Variants in AGBL1 observed in about 807,000 individuals in gnomAD.
AGBL1 encodes the protein AGBL carboxypeptidase 1.
Under a neutral mutation model 118.9 loss-of-function variants are expected in AGBL1, and 130 were observed. The observed-to-expected ratio is 1.09, with a 90% confidence interval of 0.95 to 1.26. The LOEUF (loss-of-function observed/expected upper bound fraction) is 1.26, where lower values mean the gene tolerates loss of function less well. AGBL1 is among the 50% of genes most tolerant of loss of function. The pLI is 0.00. For synonymous variants in AGBL1, 555 were observed against 478.9 expected, an observed-to-expected ratio of 1.16 and a Z score of -2.08; for missense variants, 1,584 against 1,298.1, an observed-to-expected ratio of 1.22 and a Z score of -3.38.
chr15:86,159,155 A>T (rs2077232769), intron 5 of AGBL1, 129 bp downstream of exon 5: 1 of 825,366 alleles, frequency 1.2e-6, no homozygotes, highest in South Asian at 1.5e-5. Context: ...ATATGGTACC[A>T]TGTCTTTATC....
chr15:86,382,927 C>T (rs563082230), intron 17 of AGBL1, among the ~76,000 whole-genome samples: 8 of 152,206 alleles, frequency 5.3e-5, no homozygotes, highest in South Asian at 2.1e-4. Context: ...TGCTAAGCTT[C>T]GTGAGAGTAA....
intron 22 of AGBL1, among the ~76,000 whole-genome samples, chr15:86,675,458 A>T (rs1307169202): frequency 1.3e-5 from 2 of 152,160 alleles, no homozygotes; most frequent in African/African-American, 2.4e-5. Flanking sequence ...GATTACCTAA[A>T]TGCAGTAATT....
chr15:86,791,896 C>T (rs1211618888), intron 22 of AGBL1, among the ~76,000 whole-genome samples: 2 of 151,954 alleles, frequency 1.3e-5, no homozygotes, highest in Non-Finnish European at 2.9e-5. Context: ...GCCACCACAC[C>T]TGGCTAATTT....
At chr15:86,463,281 GTTGT>G (rs1366259334) in intron 18 of AGBL1, among the ~76,000 whole-genome samples, 6 of 150,346 alleles carry the variant, frequency 4.0e-5, no homozygotes, top group East Asian at 1.9e-4. Flanking sequence ...ATTTGATGGG[GTTGT>G]TTGTTTTTTT....
intron 22 of AGBL1, among the ~76,000 whole-genome samples, chr15:86,849,517 C>CTTTTTTTTTTTTTTTTTTTTTT (rs68185029): frequency 7.3e-6 from 1 of 136,794 alleles, no homozygotes; most frequent in Non-Finnish European, 1.6e-5. Context: ...TTCTTTCTTT[C>CTTTTTTTTTTTTTTTTTTTTTT]TTTTTTTTTT....
In AGBL1 at chr15:86,560,943, G is replaced by C. The variant is rs1444619274; in HGVS notation, c.2994+6406G>C. On this transcript the variant is annotated intron_variant, in intron 21 of 22. Coordinates refer to ENST00000614907, the MANE Select transcript of AGBL1 (RefSeq NM_001386094.1). ...GTTGGCGGCATAAATGTCTTCTTTT[G>C]AGAAGTGTCTGTTCATATCATTTGC... is the stretch of plus-strand genomic sequence containing the variant. Among the ~76,000 whole-genome samples the C allele has an allele frequency of 1.6e-4, 24 of 152,188 alleles. 1 individual carries two copies. The highest frequency in any genetic ancestry group is 5.8e-4 in the African/African-American group (24 of 41,452).
intron 5 of AGBL1, among the ~76,000 whole-genome samples, chr15:86,170,305 C>T (rs1480828532): frequency 2.0e-5 from 3 of 151,890 alleles, no homozygotes; most frequent in African/African-American, 7.3e-5. Flanking sequence ...AGAACATTTC[C>T]AAAATGAAAC....
intron 10 of AGBL1, 107 bp from the exon 11 acceptor site, chr15:86,264,151 C>T (rs1435871914): frequency 1.0e-6 from 1 of 957,358 alleles, no homozygotes; most frequent in Non-Finnish European, 1.5e-6. Context: ...TCCACATTCA[C>T]AGGATTTATG....
At chr15:86,863,443 G>C (rs542902064) in intron 22 of AGBL1, among the ~76,000 whole-genome samples, 1 of 152,096 alleles carries the variant, frequency 6.6e-6, no homozygotes, top group African/African-American at 2.4e-5. Context: ...AGGCCTAATG[G>C]ATGTCTCATC....
intron 5 of AGBL1, among the ~76,000 whole-genome samples, chr15:86,214,478 A>G (rs2078152644): frequency 6.6e-6 from 1 of 152,246 alleles, no homozygotes; most frequent in Non-Finnish European, 1.5e-5. Context: ...TTATAGTTGT[A>G]CATCCATGTA....
intron 21 of AGBL1, among the ~76,000 whole-genome samples, chr15:86,629,891 C>CTT (rs1231291802): frequency 6.6e-6 from 1 of 152,200 alleles, no homozygotes; most frequent in Non-Finnish European, 1.5e-5. Context: ...TTGTATGGGG[C>CTT]TTCTGGTCAT....
At chr15:86,560,256 C>A (rs2083796337) in intron 21 of AGBL1, among the ~76,000 whole-genome samples, 3 of 151,872 alleles carry the variant, frequency 2.0e-5, no homozygotes, top group Non-Finnish European at 1.5e-5. Context: ...TCGTCATTTA[C>A]AATAGGGATA....
chr15:86,833,422 G>A (rs2079133089), intron 22 of AGBL1, among the ~76,000 whole-genome samples: 1 of 151,946 alleles, frequency 6.6e-6, no homozygotes, highest in Non-Finnish European at 1.5e-5. Context: ...CTGATGGTGA[G>A]TAAGTCTCAG....
intron 24 of AGBL1, among the ~76,000 whole-genome samples, chr15:87,019,662 A>G (rs573289076): frequency 6.6e-6 from 1 of 152,240 alleles, no homozygotes; most frequent in African/African-American, 2.4e-5. Context: ...TGCCCACATT[A>G]AAAAACTAGA....
intron 23 of AGBL1, among the ~76,000 whole-genome samples, chr15:86,980,885 C>G (rs1368404914): frequency 8.4e-6 from 1 of 118,986 alleles, no homozygotes; most frequent in Non-Finnish European, 1.7e-5. Flanking sequence ...CAGAAACATC[C>G]TTTTTTTTTT....
chr15:86,478,508 A>G (rs1222499954), intron 18 of AGBL1, among the ~76,000 whole-genome samples: 1 of 152,176 alleles, frequency 6.6e-6, no homozygotes, highest in Non-Finnish European at 1.5e-5. Flanking sequence ...TAAAATACCT[A>G]GGAATCCAAC....
chr15:86,578,384 C>A (rs1039916548), intron 21 of AGBL1, among the ~76,000 whole-genome samples: 1 of 152,182 alleles, frequency 6.6e-6, no homozygotes, highest in African/African-American at 2.4e-5. Flanking sequence ...TAGGAGGTAA[C>A]TAACTTGCTT....
intron 18 of AGBL1, among the ~76,000 whole-genome samples, chr15:86,439,092 G>C (rs967071030): frequency 1.3e-5 from 2 of 152,142 alleles, no homozygotes; most frequent in Non-Finnish European, 2.9e-5. Flanking sequence ...GGGTGGAAGA[G>C]TCCCGATGAG....
chr15:86,359,368 A>G (rs971436076), intron 17 of AGBL1, among the ~76,000 whole-genome samples: 8 of 104,886 alleles, frequency 7.6e-5, no homozygotes, highest in African/African-American at 2.5e-4. Context: ...GTTGTATTCT[A>G]TTTATCAGTA....
Sources: allele counts gnomAD v4.1 joint callset (sites outside exome capture counted in the v4.1 genomes callset), GRCh38; gene constraint gnomAD v4.1.1; transcripts MANE v1.5; gene names NCBI Gene and HGNC (gene_info 2026-07-23, HGNC 2026-07-21).